Variants in SLC8A1 observed in about 807,000 individuals in gnomAD.
SLC8A1 encodes solute carrier family 8 member A1, also known as sodium/calcium exchanger 1.
Under a neutral mutation model 68.3 loss-of-function variants are expected in SLC8A1, and 18 were observed. That is an observed-to-expected ratio of 0.26 (90% CI 0.18 to 0.39). The LOEUF is 0.39. Among genes scored for constraint, SLC8A1 ranks in the 10% least tolerant of loss-of-function variants. The probability of loss-of-function intolerance (pLI) is 1.00; values close to 1 mark genes in which losing one functional copy is unlikely to be tolerated. For synonymous variants in SLC8A1, 475 were observed against 415.5 expected, an observed-to-expected ratio of 1.14 and a Z score of -1.74; for missense variants, 985 against 1,156.7, an observed-to-expected ratio of 0.85 and a Z score of 2.15.
At position 40,440,557 on chromosome 2, in the gene SLC8A1, C is replaced by T. The variant is rs569077479; in HGVS notation, c.-24-10253G>A. Among the ~76,000 whole-genome samples, 17 of 152,142 alleles carry T rather than the reference C, an allele frequency of 1.1e-4. No individual in the cohort carries two copies. The South Asian group carries it at 1.9e-3, about 17-fold the overall frequency. On this transcript the variant is annotated intron_variant, in intron 1 of 7. Coordinates refer to ENST00000406785, the Ensembl canonical transcript of SLC8A1. ...GGGCTAGAACCATGAGATAGACAGA[C>T]GTAATCTCTCTCCTTAAGGAACTTA...
intron 2 of SLC8A1, among the ~76,000 whole-genome samples, chr2:40,350,402 G>T (rs1029822063): frequency 1.3e-5 from 2 of 151,902 alleles, no homozygotes; most frequent in Non-Finnish European, 2.9e-5. Flanking sequence ...GATCACTTGA[G>T]CACAGAAGGT....
intron 2 of SLC8A1, among the ~76,000 whole-genome samples, chr2:40,342,516 T>TG (rs1668021512): frequency 6.6e-6 from 1 of 152,152 alleles, no homozygotes. Flanking sequence ...GGAAGAAAGA[T>TG]GGACGAGTAA....
exon 8 of SLC8A1, chr2:40,107,571 T>C (rs1220872463): frequency 6.6e-6 from 1 of 152,198 alleles, no homozygotes; most frequent in African/African-American, 2.4e-5. Flanking sequence ...CTCTTTGTAT[T>C]ATAGAATATG....
At chr2:40,303,881 G>A (rs1270939374) in intron 2 of SLC8A1, among the ~76,000 whole-genome samples, 1 of 152,146 alleles carries the variant, frequency 6.6e-6, no homozygotes, top group Admixed American at 6.5e-5. Flanking sequence ...TATTAAAGGA[G>A]CTTGTGTTTT....
At chr2:40,133,865 G>A (rs1367460800) in intron 7 of SLC8A1, among the ~76,000 whole-genome samples, 2 of 152,130 alleles carry the variant, frequency 1.3e-5, no homozygotes, top group African/African-American at 4.8e-5. Flanking sequence ...TATACCCAAG[G>A]CTTATCCAAG....
chr2:40,456,374 T>G (rs568436379), upstream of SLC8A1, among the ~76,000 whole-genome samples: 4 of 150,340 alleles, frequency 2.7e-5, no homozygotes, highest in Non-Finnish European at 5.9e-5. Flanking sequence ...GAGACTTCTG[T>G]TTTTCATTTC....
At chr2:40,254,404 GTTTTTTTTT>G (rs3217134) in intron 2 of SLC8A1, 1 of 123,824 alleles carries the variant, frequency 8.1e-6, no homozygotes, top group Non-Finnish European at 1.6e-5. Context: ...ATGCTTTTTT[GTTTTTTTTT>G]TTTCAGGCTA....
Position 40,464,699 on chromosome 2 carries a change from A to T in SLC8A1, c.-24-34395T>A, listed in dbSNP as rs1703557788. ...GAAGTGGGGATGTGGTGGGGGCATG[A>T]CATTGGAACTGCAGACCTGCCAAGG... On this transcript the variant is annotated intron_variant, in intron 1 of 7. Transcript: ENST00000402441. Among the ~76,000 whole-genome samples the T allele has an allele frequency of 2.0e-5, 3 of 152,148 alleles. No individual in the cohort carries two copies. The South Asian group carries it at 6.2e-4, about 31-fold the overall frequency.
intron 1 of SLC8A1, among the ~76,000 whole-genome samples, chr2:40,459,519 TA>T (rs1703220850): frequency 6.6e-6 from 1 of 152,192 alleles, no homozygotes; most frequent in African/African-American, 2.4e-5. Context: ...AGCATATTCA[TA>T]TTAAATACAT....
chr2:40,207,603 A>AAAC (rs1428871899), intron 2 of SLC8A1, among the ~76,000 whole-genome samples: 1 of 151,816 alleles, frequency 6.6e-6, no homozygotes, highest in Non-Finnish European at 1.5e-5. Flanking sequence ...TTTTTATATT[A>AAAC]AACAAATCCA....
chr2:40,359,487 A>G (rs544799034), intron 2 of SLC8A1, among the ~76,000 whole-genome samples: 24 of 152,130 alleles, frequency 1.6e-4, no homozygotes, highest in Non-Finnish European at 1.9e-4. Context: ...GAAGAGAGAC[A>G]ATGGGATCTT....
intron 1 of SLC8A1, 103 bp downstream of exon 1, chr2:40,451,801 C>T (rs1280777700): frequency 1.3e-5 from 2 of 151,120 alleles, no homozygotes; most frequent in East Asian, 1.9e-4. Flanking sequence ...AGAAGCCGCT[C>T]GTTTGCCAAA....
At chr2:40,203,311 A>G (rs2054763382) in intron 2 of SLC8A1, among the ~76,000 whole-genome samples, 1 of 152,002 alleles carries the variant, frequency 6.6e-6, no homozygotes, top group African/African-American at 2.4e-5. Context: ...CAAACAAATT[A>G]AAGAGCATGG....
chr2:40,185,604 C>T (rs1179715619), intron 2 of SLC8A1, among the ~76,000 whole-genome samples: 1 of 152,008 alleles, frequency 6.6e-6, no homozygotes, highest in Non-Finnish European at 1.5e-5. Flanking sequence ...GATAAAAGGC[C>T]GGGTGGGGTG....
At chr2:40,427,210 TA>T (rs1354887134) in intron 2 of SLC8A1, among the ~76,000 whole-genome samples, 1 of 152,084 alleles carries the variant, frequency 6.6e-6, no homozygotes, top group Non-Finnish European at 1.5e-5. Context: ...CAAAGAGATG[TA>T]AAGACACTGG....
intron 2 of SLC8A1, among the ~76,000 whole-genome samples, chr2:40,300,392 G>A (rs146187771): frequency 6.7e-6 from 1 of 148,686 alleles, no homozygotes; most frequent in Non-Finnish European, 1.5e-5. Context: ...GAGCCAGGAT[G>A]TGCTTCACTG....
intron 1 of SLC8A1, among the ~76,000 whole-genome samples, chr2:40,448,399 A>G (rs925148625): frequency 6.6e-6 from 1 of 152,226 alleles, no homozygotes; most frequent in Non-Finnish European, 1.5e-5. Flanking sequence ...TCTCAAAGGC[A>G]GACGCTGAAA....
exon 8 of SLC8A1, chr2:40,100,611 A>G (rs990879454): frequency 6.6e-6 from 1 of 152,126 alleles, no homozygotes; most frequent in Non-Finnish European, 1.5e-5. Context: ...GCAAATGAAG[A>G]TGTACACAAT....
intron 1 of SLC8A1, among the ~76,000 whole-genome samples, chr2:40,499,469 C>A (rs1290216342): frequency 6.6e-6 from 1 of 152,120 alleles, no homozygotes; most frequent in East Asian, 1.9e-4. Context: ...CCACTGTTAC[C>A]AGGAGCAAAA....
Sources: gnomAD v4.1 joint callset for allele counts (sites outside exome capture counted in the v4.1 genomes callset) on GRCh38, gnomAD v4.1.1 for gene constraint, MANE v1.5 for transcripts, NCBI Gene and HGNC (gene_info 2026-07-23, HGNC 2026-07-21) for gene names.